The following ATP8A1 variants were observed in gnomAD, a reference collection of about 807,000 sequenced individuals.
The protein encoded by ATP8A1 is ATPase phospholipid transporting 8A1.
ATP8A1 carries 90 observed loss-of-function variants against 177.7 expected under a neutral mutation model. That is an observed-to-expected ratio of 0.51 (90% CI 0.43 to 0.60). The LOEUF (loss-of-function observed/expected upper bound fraction) is 0.60. Among genes scored for constraint, ATP8A1 ranks in the 20% least tolerant of loss-of-function variants. The pLI, the probability that ATP8A1 is intolerant of heterozygous loss-of-function variation, is 0.00. For synonymous variants in ATP8A1, 493 were observed against 485.9 expected (o/e 1.01, Z -0.19); for missense variants, 1,072 against 1,392.8 (o/e 0.77, Z 3.67).
intron 27 of ATP8A1, among the ~76,000 whole-genome samples, chr4:42,459,087 T>C (rs890228454): frequency 7.2e-5 from 11 of 152,226 alleles, no homozygotes; most frequent in African/African-American, 2.7e-4. Flanking sequence ...ACCAAGACAG[T>C]TGAATCATAT....
chr4:42,575,500 A>G (rs2290868), intron 13 of ATP8A1, 122 bp downstream of exon 13: 151,899 of 752,144 alleles, frequency 0.2, 16,998 homozygotes, highest in East Asian at 0.4. Flanking sequence ...ACTAACAAAT[A>G]TATTATTCAA....
chr4:42,449,192 A>G (rs1717666621), intron 30 of ATP8A1, among the ~76,000 whole-genome samples: 1 of 152,216 alleles, frequency 6.6e-6, no homozygotes, highest in South Asian at 2.1e-4. Context: ...TCTCTGGTTC[A>G]ATCCAGAAGG....
chr4:42,455,485 T>C, intron 28 of ATP8A1, 40 bp downstream of exon 28: 3 of 1,613,570 alleles, frequency 1.9e-6, no homozygotes, highest in Middle Eastern at 1.7e-4. Flanking sequence ...ATCTCCCAAG[T>C]ATTCAATGAA....
At chr4:42,599,746 T>C (rs1210229389) in intron 6 of ATP8A1, among the ~76,000 whole-genome samples, 1 of 152,118 alleles carries the variant, frequency 6.6e-6, no homozygotes, top group Non-Finnish European at 1.5e-5. Context: ...ACCTCTAATG[T>C]CCTGGCAATC....
At chr4:42,638,533 A>AT (rs1348951197) in intron 1 of ATP8A1, among the ~76,000 whole-genome samples, 1 of 152,236 alleles carries the variant, frequency 6.6e-6, no homozygotes, top group Non-Finnish European at 1.5e-5. Context: ...CCAGCCTTGG[A>AT]TATTAACCTA....
At chr4:42,572,074 T>C (rs1560472923) in intron 14 of ATP8A1, among the ~76,000 whole-genome samples, 1 of 152,204 alleles carries the variant, frequency 6.6e-6, no homozygotes, top group Non-Finnish European at 1.5e-5. Flanking sequence ...ACCTGATGTT[T>C]TGGCAACACT....
intron 14 of ATP8A1, among the ~76,000 whole-genome samples, chr4:42,572,025 G>C (rs1318853379): frequency 6.6e-6 from 1 of 152,166 alleles, no homozygotes; most frequent in African/African-American, 2.4e-5. Flanking sequence ...AGACACAACA[G>C]AACTCACTTG....
In ATP8A1 at chr4:42,414,434, T is replaced by C. The variant is rs576230553; in HGVS notation, c.3397+193A>G. Among the ~76,000 whole-genome samples the C allele has an allele frequency of 1.7e-3, 266 of 152,354 alleles. 3 individuals are homozygous for C. The highest frequency in any genetic ancestry group is 2.4e-3 in the Non-Finnish European group (164 of 68,030). ...TAAGTGAAACAGCAAGATTTTAAAA[T>C]TAACTATCTCTTCTGTTGAAAGTGA... On this transcript the variant is annotated intron_variant, in intron 36 of 36. Transcript: ENST00000381668.
At chr4:42,413,393 G>A (rs1186030958) in intron 36 of ATP8A1, among the ~76,000 whole-genome samples, 1 of 152,116 alleles carries the variant, frequency 6.6e-6, no homozygotes, top group Non-Finnish European at 1.5e-5. Context: ...GTGGATGAGA[G>A]GAAAGGAAAA....
intron 24 of ATP8A1, among the ~76,000 whole-genome samples, chr4:42,485,993 C>T (rs922720586): frequency 1.3e-5 from 2 of 152,090 alleles, no homozygotes; most frequent in Non-Finnish European, 2.9e-5. Context: ...GCTTGTTCCC[C>T]GGTGCTGTAA....
chr4:42,639,387 G>A (rs1351237045), intron 1 of ATP8A1, among the ~76,000 whole-genome samples: 1 of 152,064 alleles, frequency 6.6e-6, no homozygotes, highest in South Asian at 2.1e-4. Context: ...GATGAGATGA[G>A]CCTGCTGCCT....
At chr4:42,481,630 T>C (rs1721680787) in intron 25 of ATP8A1, among the ~76,000 whole-genome samples, 1 of 152,254 alleles carries the variant, frequency 6.6e-6, no homozygotes, top group African/African-American at 2.4e-5. Context: ...CCTGGGATAG[T>C]GCTTGATTTC....
intron 20 of ATP8A1, 58 bp downstream of exon 20, chr4:42,543,859 C>CATTCTATGGA: frequency 7.8e-7 from 1 of 1,276,240 alleles, no homozygotes; most frequent in Non-Finnish European, 1.1e-6. Context: ...GAATGCCTAA[C>CATTCTATGGA]ATATACATTA....
chr4:42,464,822 A>G, intron 26 of ATP8A1, 22 bp from the exon 27 acceptor site: 1 of 1,611,688 alleles, frequency 6.2e-7, no homozygotes, highest in Non-Finnish European at 8.5e-7. Context: ...GTGGGAAAAA[A>G]TTAGTATTTT....
intron 33 of ATP8A1, among the ~76,000 whole-genome samples, chr4:42,425,739 G>A (rs1714536500): frequency 6.6e-6 from 1 of 152,164 alleles, no homozygotes; most frequent in Non-Finnish European, 1.5e-5. Context: ...CTCCGAACAG[G>A]AGCAGCCTGT....
At chr4:42,464,328 C>T (rs1719497692) in intron 27 of ATP8A1, among the ~76,000 whole-genome samples, 1 of 148,522 alleles carries the variant, frequency 6.7e-6, no homozygotes, top group African/African-American at 2.5e-5. Context: ...GACAGTGGCA[C>T]AATCTCAGCT....
chr4:42,642,014 A>G (rs189096918), intron 1 of ATP8A1, among the ~76,000 whole-genome samples: 1 of 152,132 alleles, frequency 6.6e-6, no homozygotes, highest in African/African-American at 2.4e-5. Context: ...CAAAGTCTCA[A>G]TCATCAAAAA....
intron 1 of ATP8A1, among the ~76,000 whole-genome samples, chr4:42,647,696 T>C (rs934489754): frequency 1.3e-5 from 2 of 152,090 alleles, no homozygotes; most frequent in South Asian, 4.1e-4. Context: ...ATCTGAGATA[T>C]AAATGCTGAT....
At chr4:42,433,067 T>C (rs1375151499) in intron 33 of ATP8A1, among the ~76,000 whole-genome samples, 3 of 152,372 alleles carry the variant, frequency 2.0e-5, no homozygotes, top group East Asian at 1.9e-4. Flanking sequence ...ACAGTAATGA[T>C]GTTAATGACA....
Sources: allele counts gnomAD v4.1 joint callset (sites outside exome capture counted in the v4.1 genomes callset), GRCh38; gene constraint gnomAD v4.1.1; transcripts MANE v1.5; gene names NCBI Gene and HGNC (gene_info 2026-07-23, HGNC 2026-07-21).